SDHB: variants seen among roughly 807,000 people sequenced by gnomAD.
SDHB encodes the protein succinate dehydrogenase [ubiquinone] iron-sulfur subunit, mitochondrial.
Under a neutral mutation model 39.7 loss-of-function variants are expected in SDHB, and 21 were observed. The ratio of observed to expected loss-of-function variants is 0.53; its 90% CI spans 0.37 to 0.76. The LOEUF (loss-of-function observed/expected upper bound fraction) is 0.76, where lower values mean the gene tolerates loss of function less well. Ranked by LOEUF, SDHB falls within the 30% of genes least tolerant of loss-of-function variation. The pLI is 0.00. For missense variants in SDHB, 343 were observed against 350.9 expected (o/e 0.98, Z 0.18); for synonymous variants, 118 against 117.0 (o/e 1.01, Z -0.06).
At position 17,027,809 on chromosome 1, in the gene SDHB, C is replaced by G; in HGVS notation, c.480G>C (p.Lys160Asn). Reference sequence around the variant, plus strand: ...GCTGCTTGCCTTCCTGAGATTCATCCTTCTTCTTCAAATAAGGCTCAATGG... The same window carrying G: ...GCTGCTTGCCTTCCTGAGATTCATCGTTCTTCTTCAAATAAGGCTCAATGG... Reference protein sequence around the residue: ...YKSIEPYLKKKDESQEGKQQY... With the variant: ...YKSIEPYLKKNDESQEGKQQY... Residue 160 changes from lysine to asparagine, a missense_variant, in exon 5 of 8, where the codon AAG (lysine) becomes AAC (asparagine). Physicochemically the swap from Lys to Asn is moderately conservative, Grantham distance 94 (BLOSUM62 0). Coordinates refer to ENST00000375499, the MANE Select transcript of SDHB (RefSeq NM_003000.3). The G allele has an allele frequency of 6.2e-7, 1 of 1,613,702 alleles. No homozygotes were observed. The highest frequency in any genetic ancestry group is 8.5e-7 in the Non-Finnish European group (1 of 1,179,720).
intron 1 of SDHB, among the ~76,000 whole-genome samples, chr1:17,045,850 G>T (rs562005588): frequency 6.6e-6 from 1 of 152,090 alleles, no homozygotes; most frequent in Non-Finnish European, 1.5e-5. Flanking sequence ...ACCCGTACAG[G>T]GTACTTTAAT....
At chr1:17,029,105 T>G (rs1375231315) in intron 3 of SDHB, among the ~76,000 whole-genome samples, 1 of 142,348 alleles carries the variant, frequency 7.0e-6, no homozygotes, top group African/African-American at 2.6e-5. Context: ...TTTTTTTTTT[T>G]TTTTTTTTTT....
intron 2 of SDHB, among the ~76,000 whole-genome samples, chr1:17,035,903 T>C (rs566653361): frequency 6.6e-6 from 1 of 151,826 alleles, no homozygotes; most frequent in Non-Finnish European, 1.5e-5. Context: ...TAAATTCAAA[T>C]CAAAGGTAAA....
At chr1:17,040,084 G>T (rs146478866) in intron 2 of SDHB, among the ~76,000 whole-genome samples, 1 of 151,854 alleles carries the variant, frequency 6.6e-6, no homozygotes, top group Admixed American at 6.6e-5. Flanking sequence ...CTTTTTTTCT[G>T]AACGTGGAAT....
chr1:17,034,592 C>G (rs1393993018), intron 2 of SDHB, among the ~76,000 whole-genome samples: 1 of 152,090 alleles, frequency 6.6e-6, no homozygotes, highest in Non-Finnish European at 1.5e-5. Flanking sequence ...GTTGGCCAGG[C>G]TGGTCTCAAA....
At chr1:17,049,103 G>A (rs1332987393) in intron 1 of SDHB, among the ~76,000 whole-genome samples, 16 of 152,070 alleles carry the variant, frequency 1.1e-4, no homozygotes, top group African/African-American at 3.6e-4. Flanking sequence ...GGGCTCAGGC[G>A]ATCATCCTGA....
At chr1:17,050,753 C>T (rs1428544959) in intron 1 of SDHB, among the ~76,000 whole-genome samples, 3 of 152,038 alleles carry the variant, frequency 2.0e-5, no homozygotes, top group Non-Finnish European at 2.9e-5. Context: ...CCAGAGTGGT[C>T]ATGGTTCTGA....
chr1:17,049,936 C>T (rs1286291337), intron 1 of SDHB, among the ~76,000 whole-genome samples: 3 of 152,082 alleles, frequency 2.0e-5, no homozygotes, highest in African/African-American at 7.2e-5. Flanking sequence ...GTGTGAGCCA[C>T]TGTGCCAGGC....
intron 3 of SDHB, among the ~76,000 whole-genome samples, chr1:17,029,383 G>A (rs1458942140): frequency 2.6e-5 from 4 of 151,138 alleles, no homozygotes; most frequent in African/African-American, 9.7e-5. Flanking sequence ...TTGGCCTCCC[G>A]AAGCACTGGG....
At chr1:17,050,980 G>A (rs1436483065) in intron 1 of SDHB, among the ~76,000 whole-genome samples, 1 of 152,182 alleles carries the variant, frequency 6.6e-6, no homozygotes, top group Admixed American at 6.5e-5. Context: ...CCAGTTAAAA[G>A]ACGAGGATAG....
At chr1:17,035,541 A>G (rs530520656) in intron 2 of SDHB, among the ~76,000 whole-genome samples, 1 of 152,292 alleles carries the variant, frequency 6.6e-6, no homozygotes, top group East Asian at 1.9e-4. Context: ...ACAAAGGCTA[A>G]TATTTGCAGC....
chr1:17,022,912 T>C (rs1454448753), intron 6 of SDHB, 182 bp from the exon 7 acceptor site: 4 of 721,348 alleles, frequency 5.5e-6, no homozygotes, highest in Non-Finnish European at 9.3e-6. Context: ...GTAGCTTCAC[T>C]TGATTAATGG....
intron 5 of SDHB, 182 bp downstream of exon 5, chr1:17,027,567 C>T: frequency 1.6e-6 from 1 of 631,662 alleles, no homozygotes; most frequent in Non-Finnish European, 2.9e-6. Flanking sequence ...CACTCTGGGC[C>T]ATTCACGGGT....
intron 1 of SDHB, among the ~76,000 whole-genome samples, chr1:17,050,573 A>T (rs2078140263): frequency 6.6e-6 from 1 of 151,728 alleles, no homozygotes; most frequent in Admixed American, 6.6e-5. Flanking sequence ...ATTGCTTGAA[A>T]TCCGGGAGGC....
chr1:17,053,705 C>CT (rs1473117455), intron 1 of SDHB, among the ~76,000 whole-genome samples: 5 of 151,776 alleles, frequency 3.3e-5, no homozygotes, highest in African/African-American at 1.2e-4. Context: ...GAACGTCCCC[C>CT]CCCCCCGCAC....
chr1:17,050,770 T>C (rs537360014), intron 1 of SDHB, among the ~76,000 whole-genome samples: 33 of 152,322 alleles, frequency 2.2e-4, no homozygotes, highest in African/African-American at 7.5e-4. Context: ...CTGAAAGTGA[T>C]AGAGCTTTGC....
At chr1:17,035,819 C>T (rs935358622) in intron 2 of SDHB, among the ~76,000 whole-genome samples, 5 of 151,992 alleles carry the variant, frequency 3.3e-5, no homozygotes, top group African/African-American at 1.2e-4. Flanking sequence ...GAGACCGCAC[C>T]ACTGCACTCC....
At chr1:17,027,363 AG>A (rs2077996486) in intron 5 of SDHB, among the ~76,000 whole-genome samples, 1 of 152,236 alleles carries the variant, frequency 6.6e-6, no homozygotes, top group Non-Finnish European at 1.5e-5. Flanking sequence ...CCATTTGTAA[AG>A]CAGGACGGTG....
At position 17,027,824 on chromosome 1, in the gene SDHB, A is replaced by G. The variant is rs1553177685; in HGVS notation, c.465T>C (p.Pro155=). The G allele has an allele frequency of 6.2e-7, 1 of 1,613,294 alleles. No homozygotes were observed. The highest frequency in any genetic ancestry group is 8.5e-7 in the Non-Finnish European group (1 of 1,179,332). The change falls in exon 5 of 8, where the codon CCT becomes CCC. Residue 155 remains proline (P), a synonymous_variant. Transcript: ENST00000375499. The stretch of plus-strand genomic sequence containing the variant: ...GAGATTCATCCTTCTTCTTCAAATA[A>G]GGCTCAATGGATTTGTACTGTGCAT... The part of the protein sequence containing the change: ...NFYAQYKSIE[P]YLKKKDESQE...
Sources: gnomAD v4.1 joint callset for allele counts (sites outside exome capture counted in the v4.1 genomes callset) on GRCh38, gnomAD v4.1.1 for gene constraint, MANE v1.5 for transcripts, NCBI Gene and HGNC (gene_info 2026-07-23, HGNC 2026-07-21) for gene names.